CHL1: variants seen among roughly 807,000 people sequenced by gnomAD.
CHL1 encodes the protein neural cell adhesion molecule L1-like protein.
A neutral mutation model predicts 141.9 loss-of-function variants in CHL1; 96 were observed. The observed-to-expected ratio is 0.68, with a 90% CI of 0.57 to 0.80. The LOEUF (loss-of-function observed/expected upper bound fraction) is 0.80, where lower values mean the gene tolerates loss of function less well. Among genes scored for constraint, CHL1 ranks in the 30% least tolerant of loss-of-function variants. The probability of loss-of-function intolerance (pLI) is 0.00; values close to 1 mark genes in which losing one functional copy is unlikely to be tolerated. For missense variants in CHL1, 1,820 were observed against 1,457.2 expected (o/e 1.25, Z -4.05); for synonymous variants, 613 against 502.2 (o/e 1.22, Z -2.95).
At chr3:388,291 T>A (rs1489888282) in intron 19 of CHL1, among the ~76,000 whole-genome samples, 1 of 152,228 alleles carries the variant, frequency 6.6e-6, no homozygotes, top group East Asian at 1.9e-4. Context: ...CCCATGCCTA[T>A]AATCCCAGCA....
chr3:222,711 T>G (rs1016453926), intron 1 of CHL1, among the ~76,000 whole-genome samples: 1 of 152,042 alleles, frequency 6.6e-6, no homozygotes, highest in South Asian at 2.1e-4. Flanking sequence ...AAATAGATAA[T>G]GAGATAACAG....
At chr3:366,450 G>A (rs542882727) in intron 15 of CHL1, among the ~76,000 whole-genome samples, 4 of 145,270 alleles carry the variant, frequency 2.8e-5, no homozygotes. Flanking sequence ...CAGCCTGGGG[G>A]ACAGAGAGAG....
intron 1 of CHL1, among the ~76,000 whole-genome samples, chr3:207,283 C>T (rs1358821525): frequency 1.3e-5 from 2 of 152,158 alleles, no homozygotes; most frequent in African/African-American, 4.8e-5. Flanking sequence ...AGTTTGTTTC[C>T]TGCTTTGGCT....
intron 12 of CHL1, among the ~76,000 whole-genome samples, chr3:360,750 C>A (rs1704164302): frequency 7.6e-6 from 1 of 130,918 alleles, no homozygotes; most frequent in Admixed American, 7.8e-5. Flanking sequence ...CCTCCCCCCA[C>A]CCCACAACAG....
intron 2 of CHL1, among the ~76,000 whole-genome samples, chr3:317,993 T>C (rs545447336): frequency 6.6e-6 from 1 of 152,006 alleles, no homozygotes; most frequent in Admixed American, 6.6e-5. Flanking sequence ...ACATGAGTCA[T>C]TTTTTCCAAT....
At chr3:250,709 C>T (rs189034851) in intron 2 of CHL1, among the ~76,000 whole-genome samples, 1 of 152,228 alleles carries the variant, frequency 6.6e-6, no homozygotes. Flanking sequence ...TTTGGGGTGT[C>T]ATATTCTGAT....
At chr3:324,781 A>G (rs1031737546) in intron 3 of CHL1, among the ~76,000 whole-genome samples, 2 of 151,852 alleles carry the variant, frequency 1.3e-5, no homozygotes, top group African/African-American at 4.8e-5. Context: ...TAGGGATAAG[A>G]GTCTCCCTAT....
intron 2 of CHL1, chr3:282,791 A>C (rs1317939607): frequency 1.3e-5 from 2 of 152,122 alleles, no homozygotes; most frequent in South Asian, 2.1e-4. Context: ...CAAAGCAAGC[A>C]CTCTGGATCT....
At chr3:300,445 C>T (rs1227593683) in intron 2 of CHL1, among the ~76,000 whole-genome samples, 1 of 152,114 alleles carries the variant, frequency 6.6e-6, no homozygotes, top group African/African-American at 2.4e-5. Context: ...TGGGAAAGCA[C>T]ATTCAATGGC....
At chr3:234,605 C>T (rs1409495777) in intron 1 of CHL1, among the ~76,000 whole-genome samples, 1 of 151,986 alleles carries the variant, frequency 6.6e-6, no homozygotes, top group African/African-American at 2.4e-5. Context: ...CTCTGAAGCC[C>T]CCATGCTGGT....
At chr3:324,194 C>T (rs1230324244) in intron 3 of CHL1, among the ~76,000 whole-genome samples, 2 of 152,050 alleles carry the variant, frequency 1.3e-5, no homozygotes, top group South Asian at 2.1e-4. Flanking sequence ...AATGAGAAAA[C>T]AGAGAGTGGT....
At chr3:247,663 A>G (rs994933256) in intron 2 of CHL1, 2 of 152,026 alleles carry the variant, frequency 1.3e-5, no homozygotes, top group Non-Finnish European at 2.9e-5. Context: ...TTCCATTTAC[A>G]CTTAAACATG....
intron 2 of CHL1, among the ~76,000 whole-genome samples, chr3:261,742 C>T (rs933336292): frequency 1.4e-4 from 21 of 152,028 alleles, no homozygotes; most frequent in African/African-American, 4.8e-4. Context: ...AAATCCTCTC[C>T]TCAGTATTTA....
intron 3 of CHL1, among the ~76,000 whole-genome samples, chr3:320,638 G>T (rs953724315): frequency 4.6e-5 from 7 of 151,894 alleles, no homozygotes; most frequent in Non-Finnish European, 1.0e-4. Context: ...AGTGTGCAAT[G>T]ATCACACCTG....
intron 2 of CHL1, among the ~76,000 whole-genome samples, chr3:319,464 T>G (rs920427941): frequency 1.3e-5 from 2 of 151,904 alleles, no homozygotes. Context: ...TTTTTTGGAA[T>G]AGTCTGTGGT....
intron 15 of CHL1, among the ~76,000 whole-genome samples, chr3:369,235 A>AT (rs34439657): frequency 0.34 from 51,289 of 149,284 alleles, 9,319 homozygotes; most frequent in South Asian, 0.47. Flanking sequence ...TGAGGATGGG[A>AT]TTTTTTTTTT....
intron 1 of CHL1, among the ~76,000 whole-genome samples, chr3:204,282 C>T (rs1000336545): frequency 1.3e-5 from 2 of 152,158 alleles, no homozygotes; most frequent in African/African-American, 2.4e-5. Flanking sequence ...TGGTGATTCT[C>T]CTGGGAGGGA....
intron 1 of CHL1, among the ~76,000 whole-genome samples, chr3:206,183 A>G (rs1575598176): frequency 6.6e-6 from 1 of 152,126 alleles, no homozygotes; most frequent in African/African-American, 2.4e-5. Context: ...AGGTTTTAAA[A>G]CCTGCCAGAG....
At chr3:251,526 A>G (rs912410753) in intron 2 of CHL1, among the ~76,000 whole-genome samples, 1 of 152,100 alleles carries the variant, frequency 6.6e-6, no homozygotes, top group African/African-American at 2.4e-5. Flanking sequence ...TCTTAGGCAA[A>G]CCATTTTATC....
Sources: allele counts gnomAD v4.1 joint callset (sites outside exome capture counted in the v4.1 genomes callset), GRCh38; gene constraint gnomAD v4.1.1; transcripts MANE v1.5; gene names NCBI Gene and HGNC (gene_info 2026-07-23, HGNC 2026-07-21).